The following UGT1A7 variants were observed in gnomAD, a reference collection of about 807,000 sequenced individuals.
UGT1A7 encodes the protein UDP glucuronosyltransferase family 1 member A7.
In UGT1A7, 33 loss-of-function variants were observed where a neutral mutation model predicts 45.6. The ratio of observed to expected loss-of-function variants is 0.72; its 90% CI spans 0.55 to 0.97. The LOEUF (loss-of-function observed/expected upper bound fraction) is 0.97, where lower values mean the gene tolerates loss of function less well. UGT1A7 is among the 50% of genes least tolerant of loss of function. The probability of loss-of-function intolerance (pLI) is 0.00; values close to 1 mark genes in which losing one functional copy is unlikely to be tolerated. For synonymous variants in UGT1A7, 274 were observed against 250.6 expected (o/e 1.09, Z -0.88); for missense variants, 684 against 666.2 (o/e 1.03, Z -0.29).
chr2:233,719,299 T>C, intron 1 of UGT1A7: 1 of 1,613,974 alleles, frequency 6.2e-7, no homozygotes, highest in East Asian at 2.2e-5. Flanking sequence ...TGTGGGGCGG[T>C]GCTGGCTAAG....
chr2:233,756,049 A>G (rs1408892544), intron 1 of UGT1A7: 1 of 152,200 alleles, frequency 6.6e-6, no homozygotes, highest in Admixed American at 6.5e-5. Flanking sequence ...GGAAAACTCC[A>G]CTGTACACTT....
chr2:233,724,022 GC>G (rs2077155325), intron 1 of UGT1A7, among the ~76,000 whole-genome samples: 1 of 80,608 alleles, frequency 1.2e-5, no homozygotes, highest in Non-Finnish European at 2.3e-5. Flanking sequence ...TGTCATCCTG[GC>G]CCGTTCTCAA....
chr2:233,716,164 G>C (rs1445096027), intron 1 of UGT1A7, among the ~76,000 whole-genome samples: 2 of 152,102 alleles, frequency 1.3e-5, no homozygotes, highest in African/African-American at 4.8e-5. Context: ...TGGAGATGCA[G>C]TGCAGCATCT....
intron 2 of UGT1A7, 53 bp downstream of exon 2, chr2:233,767,218 C>A: frequency 6.2e-7 from 1 of 1,611,886 alleles, no homozygotes; most frequent in South Asian, 1.1e-5. Context: ...GAGCGCTAAT[C>A]CCAGACTTCC....
At chr2:233,764,548 G>A (rs1431186890) in intron 1 of UGT1A7, among the ~76,000 whole-genome samples, 1 of 152,168 alleles carries the variant, frequency 6.6e-6, no homozygotes, top group African/African-American at 2.4e-5. Context: ...TGGGCGTGTG[G>A]GAGGGTGTGC....
At chr2:233,758,946 A>G (rs1697025416) in intron 1 of UGT1A7, among the ~76,000 whole-genome samples, 3 of 152,254 alleles carry the variant, frequency 2.0e-5, no homozygotes, top group Admixed American at 1.3e-4. Flanking sequence ...ATCAGTCATC[A>G]GAATTTCCCC....
At position 233,768,261 on chromosome 2, in the gene UGT1A7, C is replaced by T; in HGVS notation, c.1117C>T (p.His373Tyr). The change falls in exon 4 of 5, where the codon CAT becomes TAT. Residue 373 changes from histidine to tyrosine, a missense_variant. His to Tyr is a moderately conservative substitution (Grantham distance 83). Coordinates refer to ENST00000373426, the MANE Select transcript of UGT1A7 (RefSeq NM_019077.3). ...TRAFITHAGS[H>Y]GVYESICNGV... ...TGCCTTTATCACCCATGCTGGTTCC[C>T]ATGGTGTTTATGAAAGCATATGCAA... 6.8e-6 allele frequency: 11 copies of T among 1,614,164 alleles called. No individual in the cohort carries two copies. Among genetic ancestry groups the T allele is most frequent in the Non-Finnish European group, 9.3e-6 (11 of 1,180,032 alleles).
At chr2:233,732,419 C>T (rs1270659145) in intron 1 of UGT1A7, among the ~76,000 whole-genome samples, 4 of 152,190 alleles carry the variant, frequency 2.6e-5, no homozygotes, top group Non-Finnish European at 5.9e-5. Context: ...CCTAGGTTTT[C>T]TTCTAGGATT....
chr2:233,754,633 C>G (rs1196115983), intron 1 of UGT1A7: 1 of 444,794 alleles, frequency 2.2e-6, no homozygotes, highest in Non-Finnish European at 4.5e-6. Context: ...TCCACCCTTT[C>G]TTGGCCATTC....
At chr2:233,699,324 G>C (rs2075498732) in intron 1 of UGT1A7, among the ~76,000 whole-genome samples, 1 of 152,040 alleles carries the variant, frequency 6.6e-6, no homozygotes, top group Non-Finnish European at 1.5e-5. Context: ...CTATTTTGTT[G>C]AGTTTCATCC....
chr2:233,743,938 A>T (rs754327674), intron 1 of UGT1A7: 2 of 1,356,166 alleles, frequency 1.5e-6, no homozygotes, highest in Admixed American at 1.9e-5. Context: ...AGAACGGCCC[A>T]CCAGGCACTG....
intron 1 of UGT1A7, among the ~76,000 whole-genome samples, chr2:233,695,542 T>A (rs1238295207): frequency 3.9e-5 from 6 of 152,256 alleles, no homozygotes; most frequent in African/African-American, 1.4e-4. Context: ...TTTTCTTTTT[T>A]AAATTTTAAC....
At chr2:233,711,053 C>T (rs990834283) in intron 1 of UGT1A7, among the ~76,000 whole-genome samples, 3 of 152,170 alleles carry the variant, frequency 2.0e-5, no homozygotes, top group Admixed American at 6.5e-5. Flanking sequence ...ACACCCATGG[C>T]TTCAATCACC....
At chr2:233,751,309 A>G (rs1694697613) in intron 1 of UGT1A7, among the ~76,000 whole-genome samples, 1 of 151,862 alleles carries the variant, frequency 6.6e-6, no homozygotes, top group African/African-American at 2.4e-5. Context: ...ATATTTACCC[A>G]ATTTCTGTAC....
At chr2:233,747,994 T>C (rs11888459) in intron 1 of UGT1A7, 570,680 of 1,612,980 alleles carry the variant, frequency 0.35, 103,977 homozygotes, top group African/African-American at 0.43. Context: ...CGAGGGGACT[T>C]TGTGATGGAT....
At chr2:233,687,225 T>C (rs1035294052) in intron 1 of UGT1A7, among the ~76,000 whole-genome samples, 4 of 152,132 alleles carry the variant, frequency 2.6e-5, no homozygotes, top group African/African-American at 9.7e-5. Flanking sequence ...TCCAGCACAA[T>C]TATCTCCAAC....
chr2:233,693,285 T>C, intron 1 of UGT1A7: 1 of 1,614,168 alleles, frequency 6.2e-7, no homozygotes, highest in Non-Finnish European at 8.5e-7. Context: ...TACCAATCAT[T>C]TGGAAACAAT....
chr2:233,770,217 G>T (rs1322403541), intron 4 of UGT1A7: 1 of 152,188 alleles, frequency 6.6e-6, no homozygotes, highest in Admixed American at 6.5e-5. Flanking sequence ...AGCCATCCCT[G>T]TCTGATTGTG....
chr2:233,693,915 C>T, intron 1 of UGT1A7: 1 of 1,611,846 alleles, frequency 6.2e-7, no homozygotes, highest in South Asian at 1.1e-5. Context: ...CAGGCTCTGT[C>T]CTCCCTCACT....
Sources: gnomAD v4.1 joint callset for allele counts (sites outside exome capture counted in the v4.1 genomes callset) on GRCh38, gnomAD v4.1.1 for gene constraint, MANE v1.5 for transcripts, NCBI Gene and HGNC (gene_info 2026-07-23, HGNC 2026-07-21) for gene names.